Variants in PPWD1 observed in about 807,000 individuals in gnomAD.
The protein encoded by PPWD1 is peptidylprolyl isomerase domain and WD repeat containing 1, also known as peptidylprolyl isomerase domain and WD repeat-containing protein 1.
A neutral mutation model predicts 68.8 loss-of-function variants in PPWD1; 43 were observed. The ratio of observed to expected loss-of-function variants is 0.62; its 90% CI spans 0.49 to 0.81. The LOEUF (loss-of-function observed/expected upper bound fraction) is 0.81, where lower values mean the gene tolerates loss of function less well. Ranked by LOEUF, PPWD1 falls within the 30% of genes least tolerant of loss-of-function variation. The pLI is 0.00. For missense variants in PPWD1, 672 were observed against 804.8 expected, an observed-to-expected ratio of 0.83 and a Z score of 2.00; for synonymous variants, 232 against 258.7, an observed-to-expected ratio of 0.90 and a Z score of 0.99.
At chr5:65,578,532 A>G (rs1264456325) in intron 6 of PPWD1, among the ~76,000 whole-genome samples, 5 of 152,046 alleles carry the variant, frequency 3.3e-5, no homozygotes, top group African/African-American at 1.2e-4. Context: ...GGCCATTTTA[A>G]TAGATGTGTA....
intron 2 of PPWD1, chr5:65,569,315 G>A (rs1475952212): frequency 3.7e-6 from 1 of 272,708 alleles, no homozygotes; most frequent in Non-Finnish European, 7.1e-6. Context: ...AAGACTGTCT[G>A]TAGGGTAATT....
At chr5:65,578,749 C>T (rs1753434637) in intron 6 of PPWD1, among the ~76,000 whole-genome samples, 1 of 123,906 alleles carries the variant, frequency 8.1e-6, no homozygotes, top group Non-Finnish European at 1.7e-5. Flanking sequence ...TATATATACA[C>T]ACATATATGT....
chr5:65,570,679 T>G (rs879089732), intron 4 of PPWD1, among the ~76,000 whole-genome samples: 1 of 152,034 alleles, frequency 6.6e-6, no homozygotes, highest in Non-Finnish European at 1.5e-5. Flanking sequence ...CCATCAGGGT[T>G]TGATTTCTGA....
At chr5:65,578,237 C>A (rs1374258299) in intron 6 of PPWD1, among the ~76,000 whole-genome samples, 1 of 152,160 alleles carries the variant, frequency 6.6e-6, no homozygotes, top group East Asian at 1.9e-4. Context: ...TTGATCCATT[C>A]ACGTACTGAA....
chr5:65,569,880 G>T lies in PPWD1; in HGVS notation c.403G>T (p.Val135Phe), dbSNP rs1334608143. The T allele has an allele frequency of 6.3e-7, 1 of 1,592,840 alleles. No individual in the cohort carries two copies. ...TTTAATTTCATTTATTGAAATAGGA[G>T]TTATTGAGAGTATTGCAGTTAGCTC... is the stretch of plus-strand genomic sequence containing the variant. ...FVKHFRSHLG[V>F]IESIAVSSEG... The change falls in exon 4 of 11, where the codon GTT (valine) becomes TTT (phenylalanine). Residue 135 changes from valine (V) to phenylalanine (F), a missense_variant and splice_region_variant. Val to Phe is a conservative substitution (Grantham distance 50). This residue lies in a region of PPWD1 where 484 missense variants were observed against 646.2 expected (regional missense o/e 0.75). Transcript: ENST00000261308.
Position 65,587,461 on chromosome 5 carries a change from G to T in PPWD1, c.*65G>T. ...ATATTAAACAGATTATTTTACATTA[G>T]GAAGCTTAGGACTTGCTGAATATAC... On this transcript the variant is annotated 3_prime_UTR_variant, in exon 11 of 11. Coordinates refer to ENST00000261308, the MANE Select transcript of PPWD1 (RefSeq NM_015342.4). The T allele has an allele frequency of 7.8e-7, 1 of 1,281,844 alleles. No homozygotes were observed. The allele number at this position is 1,281,844 out of a possible 1,614,324, so 79.4% of individuals were successfully genotyped here. A position where few individuals can be genotyped will look rare whatever the true frequency, so the allele number is the denominator to read the frequency against.
chr5:65,574,087 T>G (rs1405561075), intron 5 of PPWD1, among the ~76,000 whole-genome samples: 1 of 152,208 alleles, frequency 6.6e-6, no homozygotes, highest in Non-Finnish European at 1.5e-5. Flanking sequence ...TTGCATTGGA[T>G]TCCCTGCTGT....
At chr5:65,563,681 G>A (rs1191669510) in intron 1 of PPWD1, 175 bp downstream of exon 1, 1 of 1,351,982 alleles carries the variant, frequency 7.4e-7, no homozygotes, top group Non-Finnish European at 1.0e-6. Flanking sequence ...AGTGATTTAA[G>A]CGTAGTACAA....
Position 65,585,114 on chromosome 5 carries a change from ATGTCATATAAGAAATAC to A in PPWD1, c.1614+23_1614+39del. ...AATTAAGGTAAGTTACATAAATTTC[ATGTCATATAAGAAATAC>A]TGTATTATTACATAGCAAGAGATTT... is the stretch of plus-strand genomic sequence containing the variant. On this transcript the variant is annotated intron_variant, in intron 9 of 10. Transcript: ENST00000261308. 6.3e-7 allele frequency: 1 copy of A among 1,579,264 alleles called. No individual in the cohort carries two copies. The highest frequency in any genetic ancestry group is 8.7e-7 in the Non-Finnish European group (1 of 1,150,004).
At chr5:65,573,383 C>T (rs1753102595) in intron 5 of PPWD1, among the ~76,000 whole-genome samples, 1 of 147,598 alleles carries the variant, frequency 6.8e-6, no homozygotes, top group Non-Finnish European at 1.5e-5. Flanking sequence ...ACCTCCGCCC[C>T]CTGGGTTCAA....
chr5:65,586,256 C>A, intron 10 of PPWD1, 75 bp downstream of exon 10: 1 of 1,324,958 alleles, frequency 7.5e-7, no homozygotes, highest in African/African-American at 1.5e-5. Context: ...AGTAGAAGAG[C>A]TGCATTATTC....
chr5:65,575,229 C>T (rs1026068327), intron 5 of PPWD1, among the ~76,000 whole-genome samples: 3 of 152,198 alleles, frequency 2.0e-5, no homozygotes, highest in African/African-American at 7.2e-5. Flanking sequence ...AGATGACCAC[C>T]TACAGACCTT....
At position 65,563,702 on chromosome 5, in the gene PPWD1, A is replaced by T; in HGVS notation, c.196+196A>T. ...TTAAGCGTAGTACAACGTCTTTTTG[A>T]TAATATCTAACACTTTTGATCATTG... On this transcript the variant is annotated intron_variant, in intron 1 of 10. Transcript: ENST00000261308. The T allele has an allele frequency of 2.9e-6, 4 of 1,387,520 alleles. 1 individual carries two copies. The South Asian group carries it at 5.0e-5, about 17-fold the overall frequency. 86.0% of individuals were successfully genotyped at this position (1,387,520 alleles called of 1,614,324 possible).
At chr5:65,563,864 T>C (rs1752484528) in intron 1 of PPWD1, 1 of 1,461,778 alleles carries the variant, frequency 6.8e-7, no homozygotes. Context: ...ACCAGTTCTC[T>C]TTAAGGCTTT....
intron 1 of PPWD1, among the ~76,000 whole-genome samples, chr5:65,567,204 T>C (rs1342518348): frequency 2.0e-5 from 3 of 151,194 alleles, no homozygotes; most frequent in Non-Finnish European, 3.0e-5. Context: ...TTTTCTTTTC[T>C]TTTTTTTTAA....
chr5:65,567,790 C>T, intron 2 of PPWD1, 175 bp downstream of exon 2: 1 of 1,180,426 alleles, frequency 8.5e-7, no homozygotes. Flanking sequence ...AATGCATTCT[C>T]TAAGATAGAA....
chr5:65,565,099 A>C (rs1006560268), intron 1 of PPWD1, among the ~76,000 whole-genome samples: 1 of 152,186 alleles, frequency 6.6e-6, no homozygotes, highest in Non-Finnish European at 1.5e-5. Flanking sequence ...TCCTCTTATT[A>C]AATGTTTCCA....
Position 65,579,628 on chromosome 5 carries a change from TAGG to T in PPWD1, c.1350+18_1350+20del, listed in dbSNP as rs751988166. 2.7e-6 allele frequency: 4 copies of T among 1,469,884 alleles called. No individual in the cohort carries two copies. The highest frequency in any genetic ancestry group is 1.4e-5 in the African/African-American group (1 of 69,522). 91.1% of individuals were successfully genotyped at this position (1,469,884 alleles called of 1,614,324 possible). A position where few individuals can be genotyped will look rare whatever the true frequency, so the allele number is the denominator to read the frequency against. ...GATTTTATATGGTATGTGTAAGTAC[TAGG>T]AGATTAGACGGTAATGTTCCTTCCA... On this transcript the variant is annotated intron_variant, in intron 7 of 10. Coordinates refer to ENST00000261308, the MANE Select transcript of PPWD1 (RefSeq NM_015342.4).
Position 65,572,169 on chromosome 5 carries a change from C to T in PPWD1, c.852C>T (p.Thr284=). The T allele has an allele frequency of 6.2e-7, 1 of 1,613,944 alleles. No individual in the cohort carries two copies. The highest frequency in any genetic ancestry group is 8.5e-7 in the Non-Finnish European group (1 of 1,179,882). ...YEFAKCKAYP[T]SVCFSPDGKK... is the part of the protein sequence containing the mutation. ...TTGCCAAGTGTAAGGCTTATCCAACCAGCGTATGTTTTTCACCAGATGGGA... is the reference window on the plus strand; with the variant it reads ...TTGCCAAGTGTAAGGCTTATCCAACTAGCGTATGTTTTTCACCAGATGGGA... The change falls in exon 5 of 11, where the codon ACC becomes ACT. Residue 284 remains threonine, a synonymous_variant. Coordinates refer to ENST00000261308, the MANE Select transcript of PPWD1 (RefSeq NM_015342.4).
Sources: gnomAD v4.1 joint callset for allele counts (sites outside exome capture counted in the v4.1 genomes callset) on GRCh38, gnomAD v4.1.1 for gene constraint, gnomAD v4.1.1 regional missense constraint, MANE v1.5 for transcripts, NCBI Gene and HGNC (gene_info 2026-07-23, HGNC 2026-07-21) for gene names.